The following C2CD3 variants were observed in gnomAD, a reference collection of about 807,000 sequenced individuals.
C2CD3 encodes the protein C2 domain containing 3 centriole elongation regulator, also known as C2 domain-containing protein 3.
In C2CD3, 148 loss-of-function variants were observed where a neutral mutation model predicts 234.0. The ratio of observed to expected loss-of-function variants is 0.63; its 90% CI spans 0.55 to 0.72. C2CD3 has a LOEUF of 0.72. Among genes scored for constraint, C2CD3 ranks in the 30% least tolerant of loss-of-function variants. The pLI, the probability that C2CD3 is intolerant of heterozygous loss-of-function variation, is 0.00. For missense variants in C2CD3, 2,577 were observed against 2,811.5 expected (o/e 0.92, Z 1.89); for synonymous variants, 1,000 against 1,035.4 (o/e 0.97, Z 0.66).
intron 15 of C2CD3, among the ~76,000 whole-genome samples, chr11:74,099,493 T>G (rs1038587133): frequency 2.0e-5 from 3 of 152,214 alleles, no homozygotes; most frequent in African/African-American, 7.2e-5. Flanking sequence ...AAAGGTGCTC[T>G]TTGTAAAATG....
At position 74,170,846 on chromosome 11, in the gene C2CD3, G is replaced by A. The variant is rs1857160414; in HGVS notation, c.-54C>T. The A allele has an allele frequency of 2.5e-6, 4 of 1,604,538 alleles. No homozygotes were observed. In the South Asian group the frequency reaches 3.3e-5, roughly 13 times the overall value. Reference sequence around the variant, plus strand: ...CAACTCCGTCTCCAGCACCTAAGCAGTATCCTCCCGCCATCCCTCCCCACG... The same window carrying A: ...CAACTCCGTCTCCAGCACCTAAGCAATATCCTCCCGCCATCCCTCCCCACG... On this transcript the variant is annotated 5_prime_UTR_variant, in exon 1 of 33. Coordinates refer to ENST00000334126, the MANE Select transcript of C2CD3 (RefSeq NM_001286577.2).
chr11:74,168,284 A>G, intron 2 of C2CD3, 60 bp downstream of exon 2: 1 of 1,389,546 alleles, frequency 7.2e-7, no homozygotes, highest in Non-Finnish European at 1.0e-6. Context: ...CTTATTGCTG[A>G]CAATATAACC....
Position 74,113,793 on chromosome 11 carries a change from T to G in C2CD3, c.1830A>C (p.Lys610Asn), listed in dbSNP as rs374899528. 1.4e-5 allele frequency: 22 copies of G among 1,605,584 alleles called. No homozygotes were observed. The African/African-American group carries it at 2.9e-4, about 21-fold the overall frequency. The change falls in exon 11 of 33, where the codon AAA becomes AAC. Residue 610 changes from lysine (K) to asparagine (N), a missense_variant. By Grantham distance (94) the Lys-to-Asn change is moderately conservative (BLOSUM62 0). Coordinates refer to ENST00000334126, the MANE Select transcript of C2CD3 (RefSeq NM_001286577.2). ...TGTGTCTCTTACTTCCATCTGTAAT[T>G]TTACTGGAGGCGAGTCGAACAACCT... ...ITEVVRLASS[K>N]ITDGKVKFQQ...
intron 12 of C2CD3, among the ~76,000 whole-genome samples, chr11:74,108,500 T>A (rs1349816623): frequency 6.6e-6 from 1 of 152,218 alleles, no homozygotes; most frequent in Non-Finnish European, 1.5e-5. Context: ...AATTAGTTGA[T>A]CAAAACTGCT....
chr11:74,124,471 C>G (rs955770493), intron 7 of C2CD3, among the ~76,000 whole-genome samples: 72 of 152,266 alleles, frequency 4.7e-4, no homozygotes, highest in African/African-American at 1.6e-3. Context: ...CATTTCAGAT[C>G]CCTGGCCTCC....
chr11:74,074,633 A>G, intron 23 of C2CD3, 33 bp from the exon 24 acceptor site: 1 of 1,545,504 alleles, frequency 6.5e-7, no homozygotes, highest in Non-Finnish European at 8.8e-7. Context: ...AAGGCTAGTC[A>G]AGCAGGAACC....
Position 74,103,636 on chromosome 11 carries a change from C to G in C2CD3, c.2086-11G>C, listed in dbSNP as rs1390178024. On this transcript the variant is annotated splice_polypyrimidine_tract_variant and intron_variant, in intron 13 of 32. Coordinates refer to ENST00000334126, the MANE Select transcript of C2CD3 (RefSeq NM_001286577.2). ...AAGCTCCATGGTTACCTGTAAAACA[C>G]AAAAGGAGAAGAGTCAATAAGAATG... 1 of 1,597,970 alleles carries G rather than the reference C, an allele frequency of 6.3e-7. No homozygotes were observed. The highest frequency in any genetic ancestry group is 1.3e-5 in the African/African-American group (1 of 74,106).
chr11:74,040,032 C>T (rs1952945970), intron 29 of C2CD3, among the ~76,000 whole-genome samples: 2 of 152,168 alleles, frequency 1.3e-5, no homozygotes, highest in African/African-American at 4.8e-5. Context: ...GCAGAAGTCC[C>T]CAACCTCTGG....
At position 74,139,642 on chromosome 11, in the gene C2CD3, C is replaced by T. The variant is rs913159343; in HGVS notation, c.670G>A (p.Glu224Lys). The T allele has an allele frequency of 1.2e-5, 20 of 1,613,858 alleles. No individual in the cohort carries two copies. The highest frequency in any genetic ancestry group is 1.7e-5 in the Non-Finnish European group (20 of 1,179,892). Reference protein sequence around the residue: ...DIHTIKIDGKELAANSSRSTT... With the variant: ...DIHTIKIDGKKLAANSSRSTT... ...GATCTACTGCTGTTGGCTGCTAACTCTTTTCCATCAATTTTGATGGTATGT... is the reference window on the plus strand; with the variant it reads ...GATCTACTGCTGTTGGCTGCTAACTTTTTTCCATCAATTTTGATGGTATGT... The change falls in exon 4 of 33, where the codon GAG becomes AAG. Residue 224 changes from glutamate to lysine, a missense_variant. Glu to Lys is a moderately conservative substitution (Grantham distance 56). Coordinates refer to ENST00000334126, the MANE Select transcript of C2CD3 (RefSeq NM_001286577.2).
chr11:74,045,799 C>G (rs1326366244), intron 28 of C2CD3, among the ~76,000 whole-genome samples: 1 of 152,130 alleles, frequency 6.6e-6, no homozygotes, highest in Non-Finnish European at 1.5e-5. Flanking sequence ...TCTCGAACTC[C>G]TGAGCTCAAG....
At chr11:74,091,504 G>A (rs1158103024) in intron 19 of C2CD3, 1 of 152,324 alleles carries the variant, frequency 6.6e-6, no homozygotes, top group Non-Finnish European at 1.5e-5. Flanking sequence ...ATACTCTTTA[G>A]CAAGCATGTA....
chr11:74,155,537 A>G (rs754330428), intron 3 of C2CD3, among the ~76,000 whole-genome samples: 5 of 152,242 alleles, frequency 3.3e-5, no homozygotes, highest in Admixed American at 6.5e-5. Context: ...ATATATCCAT[A>G]TCGTCAAGTA....
At chr11:74,056,048 T>C (rs1216371571) in intron 25 of C2CD3, among the ~76,000 whole-genome samples, 1 of 152,214 alleles carries the variant, frequency 6.6e-6, no homozygotes. Context: ...ATGGCCAGAA[T>C]TTCTATAATT....
intron 7 of C2CD3, chr11:74,128,450 C>T (rs1459701998): frequency 3.3e-5 from 5 of 152,088 alleles, no homozygotes; most frequent in Non-Finnish European, 7.4e-5. Flanking sequence ...AGAATCATTT[C>T]CCAAATTCAA....
chr11:74,081,626 CCATCAT>C (rs916382454), intron 22 of C2CD3, among the ~76,000 whole-genome samples: 1 of 147,040 alleles, frequency 6.8e-6, no homozygotes, highest in Non-Finnish European at 1.5e-5. Context: ...ATCATCATCA[CCATCAT>C]CATCATCATC....
intron 3 of C2CD3, among the ~76,000 whole-genome samples, chr11:74,145,230 G>A (rs1214272898): frequency 1.3e-5 from 2 of 152,160 alleles, no homozygotes; most frequent in African/African-American, 2.4e-5. Flanking sequence ...GTCAGCATAT[G>A]TTATTTTTTG....
intron 25 of C2CD3, among the ~76,000 whole-genome samples, chr11:74,056,966 C>A (rs1032504517): frequency 6.0e-5 from 9 of 149,552 alleles, no homozygotes; most frequent in African/African-American, 2.2e-4. Context: ...AACTCCTGGG[C>A]TCAAGTGATG....
At chr11:74,035,051 A>T (rs1952673389) in intron 30 of C2CD3, among the ~76,000 whole-genome samples, 1 of 152,230 alleles carries the variant, frequency 6.6e-6, no homozygotes, top group Non-Finnish European at 1.5e-5. Flanking sequence ...GACCCAGTAA[A>T]TGATACATGT....
intron 24 of C2CD3, among the ~76,000 whole-genome samples, chr11:74,065,908 C>T (rs770240355): frequency 3.7e-4 from 37 of 101,352 alleles, no homozygotes; most frequent in Non-Finnish European, 6.5e-4. Flanking sequence ...ACACCAGGGC[C>T]TGTCGTGGGG....
Sources: allele counts gnomAD v4.1 joint callset (sites outside exome capture counted in the v4.1 genomes callset), GRCh38; gene constraint gnomAD v4.1.1; transcripts MANE v1.5; gene names NCBI Gene and HGNC (gene_info 2026-07-23, HGNC 2026-07-21).